ADCY8: variants seen among roughly 807,000 people sequenced by gnomAD.
ADCY8 encodes the protein adenylate cyclase type 8.
In ADCY8, 51 loss-of-function variants were observed where a neutral mutation model predicts 119.7. The observed-to-expected ratio is 0.43, with a 90% CI of 0.34 to 0.54. The LOEUF is 0.54. Ranked by LOEUF, ADCY8 falls within the 20% of genes least tolerant of loss-of-function variation. ADCY8 has a pLI of 0.03. For synonymous variants in ADCY8, 665 were observed against 651.0 expected (o/e 1.02, Z -0.33); for missense variants, 1,383 against 1,598.8 (o/e 0.87, Z 2.30).
At chr8:130,869,560 C>G (rs13279731) in intron 8 of ADCY8, among the ~76,000 whole-genome samples, 52,274 of 147,068 alleles carry the variant, frequency 0.36, 9,599 homozygotes, top group East Asian at 0.55. Context: ...CTCTGTCGCC[C>G]AGGCTGGAGT....
intron 1 of ADCY8, among the ~76,000 whole-genome samples, chr8:131,003,315 TACA>T (rs1430353894): frequency 6.6e-6 from 1 of 151,844 alleles, no homozygotes; most frequent in Non-Finnish European, 1.5e-5. Flanking sequence ...AAGAAGTGAT[TACA>T]ACATTTAAAA....
chr8:130,991,915 G>A (rs1576393), intron 1 of ADCY8, among the ~76,000 whole-genome samples: 33,020 of 151,552 alleles, frequency 0.22, 5,735 homozygotes, highest in African/African-American at 0.48. Context: ...CCTCAAAAAA[G>A]GAAAATTTCA....
chr8:130,968,271 G>A (rs1042344960), intron 2 of ADCY8, among the ~76,000 whole-genome samples: 1 of 151,628 alleles, frequency 6.6e-6, no homozygotes, highest in Non-Finnish European at 1.5e-5. Context: ...CTGGGTTCAC[G>A]CCATTCTCCT....
At chr8:130,850,327 C>T (rs990189579) in intron 9 of ADCY8, among the ~76,000 whole-genome samples, 1 of 151,964 alleles carries the variant, frequency 6.6e-6, no homozygotes, top group African/African-American at 2.4e-5. Flanking sequence ...TTGTCCAAGG[C>T]ATCAGCATCA....
intron 15 of ADCY8, among the ~76,000 whole-genome samples, chr8:130,800,115 G>A (rs1380538189): frequency 6.6e-6 from 1 of 152,162 alleles, no homozygotes; most frequent in Non-Finnish European, 1.5e-5. Flanking sequence ...GTCAGTGCTT[G>A]AGTAATATTG....
intron 12 of ADCY8, among the ~76,000 whole-genome samples, chr8:130,826,664 C>T (rs1816676395): frequency 6.6e-6 from 1 of 151,432 alleles, no homozygotes; most frequent in African/African-American, 2.4e-5. Context: ...GTAACCATGG[C>T]TTATCTGCAG....
chr8:130,784,152 G>T (rs540936915), intron 16 of ADCY8, among the ~76,000 whole-genome samples: 4 of 152,082 alleles, frequency 2.6e-5, no homozygotes, highest in African/African-American at 9.6e-5. Context: ...GGGTGTGTGG[G>T]CGTGTGGGTG....
At chr8:130,950,677 C>A (rs975652122) in intron 3 of ADCY8, among the ~76,000 whole-genome samples, 1 of 152,186 alleles carries the variant, frequency 6.6e-6, no homozygotes, top group African/African-American at 2.4e-5. Flanking sequence ...ATTCTGTAAT[C>A]CATGACATAA....
chr8:130,974,299 GCTAATGGCTCTAGCTAGAGACA>G (rs1432360098), intron 2 of ADCY8, among the ~76,000 whole-genome samples: 6 of 152,144 alleles, frequency 3.9e-5, no homozygotes, highest in African/African-American at 7.2e-5. Context: ...TTACTTACAA[GCTAATGGCTCTAGCTAGAGACA>G]CTAGAGACTG....
At chr8:130,908,752 T>C (rs1819872738) in intron 6 of ADCY8, among the ~76,000 whole-genome samples, 1 of 152,160 alleles carries the variant, frequency 6.6e-6, no homozygotes, top group Non-Finnish European at 1.5e-5. Context: ...CACACTAAAA[T>C]CACACGCCAG....
At chr8:130,810,368 A>ACACACACACACACAC (rs1163745754) in intron 14 of ADCY8, among the ~76,000 whole-genome samples, 15 of 151,442 alleles carry the variant, frequency 9.9e-5, no homozygotes, top group African/African-American at 3.2e-4. Flanking sequence ...ACACACACAC[A>ACACACACACACACAC]CACACACACA....
At chr8:130,812,359 G>GCCTAGTT (rs2130162979) in intron 14 of ADCY8, among the ~76,000 whole-genome samples, 1 of 152,258 alleles carries the variant, frequency 6.6e-6, no homozygotes, top group South Asian at 2.1e-4. Context: ...AGTGCCTAGT[G>GCCTAGTT]CCTCCTGCCA....
rs140477040 is a variant in ADCY8 at position 130,818,887 on chromosome 8, C to T, written c.2754+2455G>A. Reference sequence around the variant, plus strand: ...GCTCCAGTCTGGCGTTTCTTACAGGCTTTGTGACCTCAGGGGACTTCAATC... The same window carrying T: ...GCTCCAGTCTGGCGTTTCTTACAGGTTTTGTGACCTCAGGGGACTTCAATC... On this transcript the variant is annotated intron_variant, in intron 13 of 17. Transcript: ENST00000286355. Among the ~76,000 whole-genome samples the T allele has an allele frequency of 7.9e-5, 12 of 152,342 alleles. No individual in the cohort carries two copies. The East Asian group carries it at 1.3e-3, about 17-fold the overall frequency.
intron 8 of ADCY8, among the ~76,000 whole-genome samples, chr8:130,874,309 A>C (rs1286056829): frequency 8.7e-6 from 1 of 114,358 alleles, no homozygotes; most frequent in African/African-American, 3.5e-5. Context: ...CTCTGACTTA[A>C]AAAATAAATA....
chr8:130,927,725 T>C (rs1586578953), intron 5 of ADCY8, among the ~76,000 whole-genome samples: 1 of 152,152 alleles, frequency 6.6e-6, no homozygotes, highest in East Asian at 1.9e-4. Flanking sequence ...GTTTTCTCTA[T>C]ATAAAATCAT....
intron 9 of ADCY8, among the ~76,000 whole-genome samples, chr8:130,864,557 T>G (rs1027936325): frequency 6.6e-6 from 1 of 152,190 alleles, no homozygotes; most frequent in Non-Finnish European, 1.5e-5. Context: ...CCCATTCACT[T>G]TTGTCTTTGC....
chr8:130,807,741 T>C (rs1214670500), intron 14 of ADCY8, among the ~76,000 whole-genome samples: 1 of 151,724 alleles, frequency 6.6e-6, no homozygotes, highest in Non-Finnish European at 1.5e-5. Flanking sequence ...TCCCAGCACT[T>C]TGGGAGGCCG....
chr8:130,890,492 C>T (rs1352399462), intron 7 of ADCY8, among the ~76,000 whole-genome samples: 2 of 152,150 alleles, frequency 1.3e-5, no homozygotes, highest in Non-Finnish European at 2.9e-5. Context: ...GTTTACCAAA[C>T]TGTATTAAAT....
intron 9 of ADCY8, among the ~76,000 whole-genome samples, chr8:130,850,952 C>T (rs933567267): frequency 6.6e-6 from 1 of 152,100 alleles, no homozygotes; most frequent in Non-Finnish European, 1.5e-5. Context: ...CTTTTTATCT[C>T]TTTTTTTCCA....
Sources: allele counts gnomAD v4.1 joint callset (sites outside exome capture counted in the v4.1 genomes callset), GRCh38; gene constraint gnomAD v4.1.1; transcripts MANE v1.5; gene names NCBI Gene and HGNC (gene_info 2026-07-23, HGNC 2026-07-21).